Variants in TXNDC16 observed in about 807,000 individuals in gnomAD.
TXNDC16 encodes the protein thioredoxin domain-containing protein 16.
TXNDC16 carries 74 observed loss-of-function variants against 85.6 expected under a neutral mutation model. The ratio of observed to expected loss-of-function variants is 0.86; its 90% CI spans 0.72 to 1.05. The LOEUF (loss-of-function observed/expected upper bound fraction) is 1.05. Ranked by LOEUF, TXNDC16 falls within the 50% of genes least tolerant of loss-of-function variation. The probability of loss-of-function intolerance (pLI) is 0.00; values close to 1 mark genes in which losing one functional copy is unlikely to be tolerated. For synonymous variants in TXNDC16, 335 were observed against 326.5 expected (o/e 1.03, Z -0.28); for missense variants, 959 against 947.0 (o/e 1.01, Z -0.17).
At chr14:52,475,864 G>C (rs1395287284) in intron 14 of TXNDC16, among the ~76,000 whole-genome samples, 2 of 152,146 alleles carry the variant, frequency 1.3e-5, no homozygotes, top group Admixed American at 6.5e-5. Flanking sequence ...CCAGCAGGAG[G>C]TAAACCAGCA....
chr14:52,450,851 TTTTATATA>T (rs1156611375), intron 18 of TXNDC16, among the ~76,000 whole-genome samples: 1 of 32,084 alleles, frequency 3.1e-5, no homozygotes, highest in African/African-American at 1.6e-4. Context: ...AGAAAATGTG[TTTTATATA>T]TATATATATA....
intron 20 of TXNDC16, among the ~76,000 whole-genome samples, chr14:52,436,825 G>A (rs544694038): frequency 1.2e-4 from 18 of 151,860 alleles, no homozygotes; most frequent in South Asian, 2.1e-4. Flanking sequence ...ATATACATAC[G>A]TACACACATA....
rs1158833695 is a variant in TXNDC16, at chr14:52,529,897, A to ATATATTG, written c.392+6821_392+6822insCAATATA. ...CTATTATATATATGAATTATATATT[A>ATATATTG]TATATTATATATTATATAATATACA... On this transcript the variant is annotated intron_variant, in intron 6 of 20. Coordinates refer to ENST00000281741, the MANE Select transcript of TXNDC16 (RefSeq NM_020784.3). Among the ~76,000 whole-genome samples, 36 of 104,628 alleles carry ATATATTG rather than the reference A, an allele frequency of 3.4e-4. No individual in the cohort carries two copies. The East Asian group carries it at 9.7e-3, about 28-fold the overall frequency. 68.6% of individuals were successfully genotyped at this position (104,628 alleles called of 152,430 possible).
Position 52,530,258 on chromosome 14 carries a change from T to TATAATAATATATATTATATA in TXNDC16, c.392+6460_392+6461insTATATAATATATATTATTAT, listed in dbSNP as rs552800699. 2.1e-3 allele frequency among the ~76,000 whole-genome samples: 123 copies of TATAATAATATATATTATATA among 59,436 alleles called. 8 individuals are homozygous for TATAATAATATATATTATATA. The East Asian group carries it at 0.084, about 41-fold the overall frequency. 39.0% of individuals were successfully genotyped at this position (59,436 alleles called of 152,430 possible). On this transcript the variant is annotated intron_variant, in intron 6 of 20. Coordinates refer to ENST00000281741, the MANE Select transcript of TXNDC16 (RefSeq NM_020784.3). ...ATATAATAATATATAATATATATTA[T>TATAATAATATATATTATATA]ATAATATATATTATTATTTAATATA...
chr14:52,481,359 T>G (rs968315080), intron 14 of TXNDC16, among the ~76,000 whole-genome samples: 1 of 151,886 alleles, frequency 6.6e-6, no homozygotes, highest in African/African-American at 2.4e-5. Context: ...TAAAAAAAAA[T>G]TTTAAAAAAG....
intron 18 of TXNDC16, among the ~76,000 whole-genome samples, chr14:52,454,481 G>A (rs576175924): frequency 6.7e-6 from 1 of 149,640 alleles, no homozygotes; most frequent in African/African-American, 2.5e-5. Context: ...CATCTACTAT[G>A]TACCCAGAAA....
At chr14:52,460,683 T>C (rs894778291) in intron 16 of TXNDC16, among the ~76,000 whole-genome samples, 2 of 152,194 alleles carry the variant, frequency 1.3e-5, no homozygotes, top group Non-Finnish European at 2.9e-5. Flanking sequence ...AAATCATTTA[T>C]TTAGCCAAAG....
chr14:52,458,287 G>A (rs1292616395), intron 16 of TXNDC16, among the ~76,000 whole-genome samples: 4 of 152,168 alleles, frequency 2.6e-5, no homozygotes, highest in Admixed American at 6.5e-5. Flanking sequence ...GGCCAGGTGC[G>A]GTAGCTCACG....
chr14:52,472,364 A>AT (rs200726262), intron 14 of TXNDC16, among the ~76,000 whole-genome samples: 2,022 of 151,890 alleles, frequency 0.013, 43 homozygotes, highest in African/African-American at 0.046. Context: ...TGCCCGGCTA[A>AT]TTTTTTCTAT....
At chr14:52,508,693 T>C (rs919717590) in intron 9 of TXNDC16, among the ~76,000 whole-genome samples, 9 of 152,274 alleles carry the variant, frequency 5.9e-5, no homozygotes, top group Admixed American at 3.3e-4. Context: ...TAGACTGGAT[T>C]AACAAAATGT....
intron 16 of TXNDC16, 35 bp downstream of exon 16, chr14:52,470,002 T>G (rs765455042): frequency 6.4e-7 from 1 of 1,554,772 alleles, no homozygotes; most frequent in Non-Finnish European, 8.6e-7. Flanking sequence ...AATGATATAC[T>G]CTACTGTATA....
intron 16 of TXNDC16, among the ~76,000 whole-genome samples, chr14:52,459,516 C>T (rs1190081110): frequency 6.6e-6 from 1 of 152,190 alleles, no homozygotes; most frequent in Non-Finnish European, 1.5e-5. Context: ...TGATACCATT[C>T]CTATTGAAAC....
intron 6 of TXNDC16, among the ~76,000 whole-genome samples, chr14:52,526,185 T>G (rs967753834): frequency 1.1e-4 from 16 of 152,172 alleles, no homozygotes; most frequent in African/African-American, 4.8e-5. Flanking sequence ...CTTTTCACTT[T>G]GTATATTTAG....
Position 52,542,390 on chromosome 14 carries a change from T to C in TXNDC16, c.224A>G (p.Tyr75Cys), listed in dbSNP as rs766288724. Residue 75 changes from tyrosine (Y) to cysteine (C), a missense_variant, in exon 4 of 21, where the codon TAT becomes TGT. Physicochemically the swap from Tyr to Cys is radical, Grantham distance 194 (BLOSUM62 -2). Coordinates refer to ENST00000281741, the MANE Select transcript of TXNDC16 (RefSeq NM_020784.3). The part of the protein sequence containing the change: ...LNEAVRPLQD[Y>C]GISVAKVNCV... ...TTCTACCTTGGCAACTGAAATTCCA[T>C]AGTCCTGCAGAGGTCTAACAGCCTC... The C allele has an allele frequency of 3.1e-6, 5 of 1,607,132 alleles. No homozygotes were observed. The Admixed American group carries it at 5.1e-5, about 16-fold the overall frequency.
At chr14:52,489,372 G>T (rs1190868691) in intron 11 of TXNDC16, among the ~76,000 whole-genome samples, 4 of 152,016 alleles carry the variant, frequency 2.6e-5, no homozygotes, top group African/African-American at 9.7e-5. Flanking sequence ...TTTAAAATAT[G>T]AAATTTTAGG....
At chr14:52,438,819 A>G (rs1346334546) in intron 20 of TXNDC16, among the ~76,000 whole-genome samples, 2 of 152,212 alleles carry the variant, frequency 1.3e-5, no homozygotes, top group African/African-American at 4.8e-5. Flanking sequence ...CACATGGAAA[A>G]AGCTGCACAA....
At chr14:52,491,450 G>A (rs1369354825) in intron 9 of TXNDC16, among the ~76,000 whole-genome samples, 1 of 148,904 alleles carries the variant, frequency 6.7e-6, no homozygotes, top group Non-Finnish European at 1.5e-5. Flanking sequence ...CTCCCACCTT[G>A]GCCTTCCAAA....
intron 9 of TXNDC16, among the ~76,000 whole-genome samples, chr14:52,503,862 A>G (rs1011287523): frequency 2.6e-5 from 4 of 152,180 alleles, no homozygotes; most frequent in African/African-American, 9.6e-5. Context: ...AGAATAACCA[A>G]TGCAGAGAAG....
chr14:52,472,336 G>A (rs772121995), intron 14 of TXNDC16, among the ~76,000 whole-genome samples: 2 of 151,756 alleles, frequency 1.3e-5, no homozygotes, highest in Non-Finnish European at 2.9e-5. Flanking sequence ...TAGCTGGGAC[G>A]ACAGGCACGT....
Sources: allele counts gnomAD v4.1 joint callset (sites outside exome capture counted in the v4.1 genomes callset), GRCh38; gene constraint gnomAD v4.1.1; transcripts MANE v1.5; gene names NCBI Gene and HGNC (gene_info 2026-07-23, HGNC 2026-07-21).